PERP: variants seen among roughly 807,000 people sequenced by gnomAD.
The protein encoded by PERP is p53 apoptosis effector related to PMP-22.
PERP carries 11 observed loss-of-function variants against 20.3 expected under a neutral mutation model. That is an observed-to-expected ratio of 0.54 (90% confidence interval 0.34 to 0.90). PERP has a LOEUF of 0.90. PERP is among the 40% of genes least tolerant of loss of function. The pLI is 0.02. For missense variants in PERP, 224 were observed against 249.4 expected, an observed-to-expected ratio of 0.90 and a Z score of 0.69; for synonymous variants, 101 against 102.0, an observed-to-expected ratio of 0.99 and a Z score of 0.06.
At chr6:138,098,122 C>G (rs1432212677) in intron 1 of PERP, among the ~76,000 whole-genome samples, 1 of 152,148 alleles carries the variant, frequency 6.6e-6, no homozygotes, top group Non-Finnish European at 1.5e-5. Context: ...TATGGATAGA[C>G]TTTAGTCTAT....
chr6:138,098,502 A>G (rs999667797), intron 1 of PERP, among the ~76,000 whole-genome samples: 1 of 152,064 alleles, frequency 6.6e-6, no homozygotes, highest in East Asian at 1.9e-4. Context: ...ACTACTCAAA[A>G]TGTTCCTCCT....
chr6:138,106,684 A>G (rs1775846477), intron 1 of PERP, among the ~76,000 whole-genome samples: 1 of 152,202 alleles, frequency 6.6e-6, no homozygotes, highest in Non-Finnish European at 1.5e-5. Context: ...AGCTATATCA[A>G]GTTGAACGAA....
intron 1 of PERP, among the ~76,000 whole-genome samples, chr6:138,105,873 GTA>G (rs1382074599): frequency 1.6e-4 from 24 of 152,346 alleles, no homozygotes; most frequent in South Asian, 6.2e-4. Context: ...CTGGCACAGT[GTA>G]TGGGTTTTCA....
At position 138,089,422 on chromosome 6, in the gene PERP, A is replaced by G. The variant is rs1775544358; in HGVS notation, c.*2620T>C. On this transcript the variant is annotated 3_prime_UTR_variant, in exon 3 of 3. Coordinates refer to ENST00000421351, the MANE Select transcript of PERP (RefSeq NM_022121.5). ...TACACACAAGCTACCTTGTGTGAAC[A>G]TGGAAAGACCTTGATATATTACTTC... The G allele has an allele frequency of 1.3e-5, 2 of 152,224 alleles. No homozygotes were observed. Among genetic ancestry groups the G allele is most frequent in the African/African-American group, 4.8e-5 (2 of 41,442 alleles). The allele number at this position is 152,224 out of a possible 1,614,324, so 9.4% of individuals were successfully genotyped here. A position where few individuals can be genotyped will look rare whatever the true frequency, so the allele number is the denominator to read the frequency against.
chr6:138,100,300 T>TTGTAGAAAGTA (rs1324527283), intron 1 of PERP, among the ~76,000 whole-genome samples: 1 of 152,226 alleles, frequency 6.6e-6, no homozygotes, highest in African/African-American at 2.4e-5. Context: ...TTACCTAGAA[T>TTGTAGAAAGTA]GAGCCTACTT....
chr6:138,095,613 C>CT, intron 2 of PERP, among the ~76,000 whole-genome samples: 1 of 152,338 alleles, frequency 6.6e-6, no homozygotes, highest in Admixed American at 6.5e-5. Flanking sequence ...AGCACCTTCT[C>CT]TTTTTTCCCT....
At position 138,107,269 on chromosome 6, in the gene PERP, G is replaced by A; in HGVS notation, c.72C>T (p.Ala24=). ...ILPLLLLSAI[A]FDIIALAGRG... is the part of the protein sequence containing the mutation. ...GGCCGGCCAGCGCGATGATGTCGAA[G>A]GCGATGGCGCTGAGTAGGAGCAGGG... The change falls in exon 1 of 3, where the codon GCC becomes GCT. Residue 24 remains alanine, a synonymous_variant. Coordinates refer to ENST00000421351, the MANE Select transcript of PERP (RefSeq NM_022121.5). The surrounding 1 kb of genome is among the most constrained non-coding windows in gnomAD (Gnocchi z 4.8). 1.9e-6 allele frequency: 3 copies of A among 1,611,742 alleles called. No individual in the cohort carries two copies. Among genetic ancestry groups the A allele is most frequent in the Non-Finnish European group, 8.5e-7 (1 of 1,179,654 alleles).
At chr6:138,099,173 G>A (rs757438776) in intron 1 of PERP, among the ~76,000 whole-genome samples, 2 of 152,194 alleles carry the variant, frequency 1.3e-5, no homozygotes, top group African/African-American at 2.4e-5. Flanking sequence ...ATCAGAGCTT[G>A]AGTGGTAGCA....
chr6:138,091,840 A>G lies in PERP; in HGVS notation c.*202T>C, dbSNP rs1246378937. On this transcript the variant is annotated 3_prime_UTR_variant, in exon 3 of 3. Transcript: ENST00000421351. ...TATAGGTAATTAGTGAAAAGACACA[A>G]CTTCACAAAACATAATAAAAGATAA... 3 of 532,052 alleles carry G rather than the reference A, an allele frequency of 5.6e-6. No individual in the cohort carries two copies. The African/African-American group carries it at 5.7e-5, about 10-fold the overall frequency. 33.0% of individuals were successfully genotyped at this position (532,052 alleles called of 1,614,324 possible).
At chr6:138,097,418 A>C (rs1017659960) in intron 1 of PERP, among the ~76,000 whole-genome samples, 3 of 152,204 alleles carry the variant, frequency 2.0e-5, no homozygotes, top group Admixed American at 6.5e-5. Flanking sequence ...CAGGACATGC[A>C]TGAGCTCACT....
rs1775587607 is a variant in PERP, at chr6:138,091,815, T to G, written c.*227A>C. The G allele has an allele frequency of 2.1e-6, 1 of 478,278 alleles. No homozygotes were observed. The highest frequency in any genetic ancestry group is 3.7e-6 in the Non-Finnish European group (1 of 267,142). 29.6% of individuals were successfully genotyped at this position (478,278 alleles called of 1,614,324 possible). A position where few individuals can be genotyped will look rare whatever the true frequency, so the allele number is the denominator to read the frequency against. The stretch of plus-strand genomic sequence containing the variant: ...TAGATATAAGGAAATATTGGCATAG[T>G]ATAGGTAATTAGTGAAAAGACACAA... On this transcript the variant is annotated 3_prime_UTR_variant, in exon 3 of 3. Transcript: ENST00000421351.
At chr6:138,106,033 T>C (rs1039074756) in intron 1 of PERP, among the ~76,000 whole-genome samples, 5 of 152,194 alleles carry the variant, frequency 3.3e-5, no homozygotes, top group African/African-American at 1.2e-4. Flanking sequence ...GTTGCTGATA[T>C]AGTCCCCCGG....
At chr6:138,100,108 T>C (rs1775749459) in intron 1 of PERP, among the ~76,000 whole-genome samples, 1 of 152,216 alleles carries the variant, frequency 6.6e-6, no homozygotes, top group Non-Finnish European at 1.5e-5. Context: ...AGTAAAGCAA[T>C]CTGCCTTCTC....
chr6:138,095,855 A>G (rs1775680745), intron 2 of PERP, among the ~76,000 whole-genome samples: 1 of 152,182 alleles, frequency 6.6e-6, no homozygotes. Context: ...CACAGGCACC[A>G]TGCTGCAGAT....
At chr6:138,096,629 G>T in intron 1 of PERP, 135 bp from the exon 2 acceptor site, 1 of 946,142 alleles carries the variant, frequency 1.1e-6, no homozygotes, top group Non-Finnish European at 1.5e-6. Context: ...TTTTTCTTTT[G>T]ACAATACTTG....
intron 1 of PERP, among the ~76,000 whole-genome samples, chr6:138,100,012 C>T (rs1582967585): frequency 1.3e-5 from 2 of 152,128 alleles, no homozygotes; most frequent in South Asian, 4.1e-4. Flanking sequence ...ACAGAAACAC[C>T]CACATTGAAT....
At chr6:138,095,957 G>T (rs1341050332) in intron 2 of PERP, among the ~76,000 whole-genome samples, 1 of 152,150 alleles carries the variant, frequency 6.6e-6, no homozygotes, top group Non-Finnish European at 1.5e-5. Context: ...TTTCAACAAG[G>T]GAAATAGTTC....
intron 1 of PERP, among the ~76,000 whole-genome samples, chr6:138,103,616 T>C (rs180746680): frequency 6.6e-6 from 1 of 152,302 alleles, no homozygotes; most frequent in East Asian, 1.9e-4. Flanking sequence ...TTCAAGTGCA[T>C]TACCTTTATT....
chr6:138,106,903 C>CTTTTATTTTTTT (rs780472880), intron 1 of PERP, among the ~76,000 whole-genome samples: 3 of 134,454 alleles, frequency 2.2e-5, no homozygotes, highest in Non-Finnish European at 4.7e-5. Context: ...GAACTACGGC[C>CTTTTATTTTTTT]TTTTTTTTTT....
Sources: allele counts gnomAD v4.1 joint callset (sites outside exome capture counted in the v4.1 genomes callset), GRCh38; gene constraint gnomAD v4.1.1; non-coding constraint Gnocchi (gnomAD v3.1); transcripts MANE v1.5; gene names NCBI Gene and HGNC (gene_info 2026-07-23, HGNC 2026-07-21).